Variants in RAPGEF2 observed in about 807,000 individuals in gnomAD.
RAPGEF2 encodes the protein PDZ domain containing guanine nucleotide exchange factor (GEF) 1.
RAPGEF2 carries 54 observed loss-of-function variants against 186.7 expected under a neutral mutation model. The observed-to-expected ratio is 0.29, with a 90% CI of 0.23 to 0.36. RAPGEF2 has a LOEUF of 0.36. Ranked by LOEUF, RAPGEF2 falls within the 10% of genes least tolerant of loss-of-function variation. The pLI, the probability that RAPGEF2 is intolerant of heterozygous loss-of-function variation, is 1.00. For missense variants in RAPGEF2, 1,532 were observed against 2,045.0 expected (o/e 0.75, Z 4.84); for synonymous variants, 712 against 705.9 (o/e 1.01, Z -0.14).
chr4:159,300,108 G>C (rs1762472692), intron 7 of RAPGEF2, among the ~76,000 whole-genome samples: 2 of 150,936 alleles, frequency 1.3e-5, no homozygotes, highest in Non-Finnish European at 3.0e-5. Flanking sequence ...TATTAAAAGT[G>C]TAAAGTAATA....
At chr4:159,162,897 C>T (rs980610209) in intron 1 of RAPGEF2, among the ~76,000 whole-genome samples, 9 of 151,630 alleles carry the variant, frequency 5.9e-5, no homozygotes, top group Non-Finnish European at 1.2e-4. Flanking sequence ...TTTTTTTTTC[C>T]GTAAGATTAC....
intron 1 of RAPGEF2, among the ~76,000 whole-genome samples, chr4:159,126,749 G>A (rs1159403378): frequency 1.3e-5 from 2 of 151,908 alleles, no homozygotes; most frequent in Non-Finnish European, 2.9e-5. Context: ...ATTTTTCTCA[G>A]TTGATTATAA....
intron 8 of RAPGEF2, among the ~76,000 whole-genome samples, chr4:159,310,560 C>T (rs1033730407): frequency 6.6e-6 from 1 of 151,982 alleles, no homozygotes; most frequent in African/African-American, 2.4e-5. Flanking sequence ...ACTGTGTTCA[C>T]AATAGCAGAA....
At chr4:159,274,499 G>A (rs752113683) in intron 7 of RAPGEF2, among the ~76,000 whole-genome samples, 1 of 152,028 alleles carries the variant, frequency 6.6e-6, no homozygotes, top group Non-Finnish European at 1.5e-5. Context: ...AAATATATAC[G>A]TGTGCGTGTA....
chr4:159,322,323 C>T, intron 9 of RAPGEF2, 24 bp from the exon 10 acceptor site: 1 of 1,604,042 alleles, frequency 6.2e-7, no homozygotes, highest in Non-Finnish European at 8.5e-7. Flanking sequence ...GTAGTTTTTA[C>T]AAAGTATGTC....
At chr4:159,176,057 G>GT (rs1455714040) in intron 1 of RAPGEF2, among the ~76,000 whole-genome samples, 1 of 152,212 alleles carries the variant, frequency 6.6e-6, no homozygotes, top group Non-Finnish European at 1.5e-5. Context: ...GGTCAAGGTG[G>GT]TAAGAACTTT....
chr4:159,153,786 T>C (rs1272887696), intron 1 of RAPGEF2, among the ~76,000 whole-genome samples: 1 of 152,206 alleles, frequency 6.6e-6, no homozygotes, highest in Non-Finnish European at 1.5e-5. Flanking sequence ...TGTAGAATTC[T>C]TGTAGGCTGT....
chr4:159,225,507 T>C (rs1447595645), intron 4 of RAPGEF2, among the ~76,000 whole-genome samples: 1 of 152,012 alleles, frequency 6.6e-6, no homozygotes, highest in African/African-American at 2.4e-5. Context: ...TACCTAGGGG[T>C]GAAATTGATG....
chr4:159,356,196 G>C (rs1731983920), intron 29 of RAPGEF2, 38 bp downstream of exon 29: 1 of 1,575,656 alleles, frequency 6.3e-7, no homozygotes, highest in African/African-American at 1.3e-5. Context: ...CTCCAAGTTA[G>C]ATGTGTTCAC....
intron 3 of RAPGEF2, among the ~76,000 whole-genome samples, chr4:159,199,606 T>G (rs1028492208): frequency 6.6e-6 from 1 of 152,248 alleles, no homozygotes; most frequent in Non-Finnish European, 1.5e-5. Flanking sequence ...ATCAATTTTC[T>G]GTGAAACTGC....
In RAPGEF2 at chr4:159,105,729, C is replaced by T. The variant is rs1422320879; in HGVS notation, c.69+1498C>T. Among the ~76,000 whole-genome samples, 5 of 152,198 alleles carry T rather than the reference C, an allele frequency of 3.3e-5. 1 individual carries two copies. The highest frequency in any genetic ancestry group is 5.9e-5 in the Non-Finnish European group (4 of 68,038). ...GGTCAGTTGGATCAGTCTTCTGCAT[C>T]TGAAAATGCACATTCCCTGTCTCAG... On this transcript the variant is annotated intron_variant, in intron 1 of 29. Coordinates refer to ENST00000691494, the MANE Select transcript of RAPGEF2 (RefSeq NM_001394067.2).
intron 7 of RAPGEF2, among the ~76,000 whole-genome samples, chr4:159,266,099 C>T (rs1757393510): frequency 6.6e-6 from 1 of 151,766 alleles, no homozygotes; most frequent in African/African-American, 2.4e-5. Flanking sequence ...GAGACCTGCA[C>T]ATTTAAAAGC....
At chr4:159,350,906 A>G (rs185274769) in intron 26 of RAPGEF2, among the ~76,000 whole-genome samples, 13 of 152,368 alleles carry the variant, frequency 8.5e-5, no homozygotes, top group South Asian at 6.2e-4. Context: ...AGGAAAGCCA[A>G]AAGGGCTTAA....
chr4:159,125,467 A>T (rs917490483), intron 1 of RAPGEF2, among the ~76,000 whole-genome samples: 12 of 152,050 alleles, frequency 7.9e-5, no homozygotes, highest in African/African-American at 2.9e-4. Context: ...ATAAATAATT[A>T]GCTGTTATGG....
chr4:159,257,360 A>G (rs1456908156), intron 7 of RAPGEF2, among the ~76,000 whole-genome samples: 1 of 152,176 alleles, frequency 6.6e-6, no homozygotes, highest in Non-Finnish European at 1.5e-5. Context: ...TTACGTGGAT[A>G]GCAGCAGGCA....
At chr4:159,251,782 C>T (rs950536950) in intron 7 of RAPGEF2, among the ~76,000 whole-genome samples, 4 of 151,338 alleles carry the variant, frequency 2.6e-5, no homozygotes, top group Non-Finnish European at 5.9e-5. Flanking sequence ...AATCAGCTCT[C>T]TGTAAAATGG....
At chr4:159,306,794 C>T (rs1256253245) in intron 8 of RAPGEF2, among the ~76,000 whole-genome samples, 4 of 152,078 alleles carry the variant, frequency 2.6e-5, no homozygotes, top group Non-Finnish European at 5.9e-5. Flanking sequence ...AAAGTCCATA[C>T]TGAGTGTGAC....
chr4:159,352,977 T>C (rs1383540282), intron 27 of RAPGEF2, 67 bp downstream of exon 27: 1 of 1,348,090 alleles, frequency 7.4e-7, no homozygotes, highest in African/African-American at 1.5e-5. Flanking sequence ...ATGAGTCTTT[T>C]CTTCCAGTGT....
intron 5 of RAPGEF2, among the ~76,000 whole-genome samples, chr4:159,239,553 GATT>G (rs1316331041): frequency 1.3e-5 from 2 of 152,014 alleles, no homozygotes; most frequent in Non-Finnish European, 2.9e-5. Flanking sequence ...TATAAACAGA[GATT>G]ATACATAGAA....
Sources: allele counts gnomAD v4.1 joint callset (sites outside exome capture counted in the v4.1 genomes callset), GRCh38; gene constraint gnomAD v4.1.1; transcripts MANE v1.5; gene names NCBI Gene and HGNC (gene_info 2026-07-23, HGNC 2026-07-21).